Variants in PDGFRL observed in about 807,000 individuals in gnomAD.
PDGFRL encodes the protein platelet derived growth factor receptor like.
A neutral mutation model predicts 37.2 loss-of-function variants in PDGFRL; 46 were observed. The ratio of observed to expected loss-of-function variants is 1.24; its 90% confidence interval spans 0.98 to 1.58. The LOEUF (loss-of-function observed/expected upper bound fraction) is 1.58. PDGFRL is among the 40% of genes most tolerant of loss of function. The pLI is 0.00. For missense variants in PDGFRL, 692 were observed against 467.6 expected (o/e 1.48, Z -4.43); for synonymous variants, 251 against 184.3 (o/e 1.36, Z -2.93).
intron 1 of PDGFRL, among the ~76,000 whole-genome samples, chr8:17,583,913 C>T (rs1803761687): frequency 6.6e-6 from 1 of 152,140 alleles, no homozygotes; most frequent in Admixed American, 6.5e-5. Flanking sequence ...AATCTTCTGG[C>T]CAGCAGAACT....
intron 2 of PDGFRL, among the ~76,000 whole-genome samples, chr8:17,593,569 A>T (rs1803988252): frequency 6.7e-6 from 1 of 148,636 alleles, no homozygotes; most frequent in Non-Finnish European, 1.5e-5. Context: ...CTATATTCCA[A>T]CCTGGGCAAC....
At chr8:17,578,774 C>A (rs568003646) in intron 1 of PDGFRL, among the ~76,000 whole-genome samples, 7 of 152,296 alleles carry the variant, frequency 4.6e-5, no homozygotes, top group African/African-American at 1.7e-4. Flanking sequence ...CTAAATTTAC[C>A]CTTTCTTTAA....
chr8:17,581,660 T>C (rs1176466734), intron 1 of PDGFRL, among the ~76,000 whole-genome samples: 1 of 152,090 alleles, frequency 6.6e-6, no homozygotes, highest in Non-Finnish European at 1.5e-5. Context: ...AAAGAGAGTC[T>C]GGTCCCTCCT....
At chr8:17,600,179 A>G (rs1332444288) in intron 2 of PDGFRL, among the ~76,000 whole-genome samples, 2 of 151,850 alleles carry the variant, frequency 1.3e-5, no homozygotes, top group Non-Finnish European at 2.9e-5. Context: ...CTCCACATGC[A>G]TTTTTTCACC....
At chr8:17,591,462 G>T (rs1249401102) in intron 2 of PDGFRL, among the ~76,000 whole-genome samples, 2 of 152,188 alleles carry the variant, frequency 1.3e-5, no homozygotes, top group South Asian at 2.1e-4. Flanking sequence ...CCTAAACTCT[G>T]CCAGTTCTCA....
intron 2 of PDGFRL, among the ~76,000 whole-genome samples, chr8:17,610,183 G>A (rs1295890266): frequency 6.6e-6 from 1 of 152,182 alleles, no homozygotes; most frequent in African/African-American, 2.4e-5. Context: ...ATCTTCCAGG[G>A]CCGATTCTTC....
intron 2 of PDGFRL, among the ~76,000 whole-genome samples, chr8:17,615,280 A>C (rs970283728): frequency 6.6e-6 from 1 of 150,760 alleles, no homozygotes; most frequent in Admixed American, 6.7e-5. Context: ...GAGCTCATTT[A>C]ACTGGATCTC....
intron 2 of PDGFRL, among the ~76,000 whole-genome samples, chr8:17,591,443 G>T (rs1445986720): frequency 6.6e-6 from 1 of 152,202 alleles, no homozygotes; most frequent in Non-Finnish European, 1.5e-5. Context: ...GTGCACCTTG[G>T]TGAAGTCTCC....
chr8:17,582,870 T>A (rs186903171), intron 1 of PDGFRL, among the ~76,000 whole-genome samples: 39 of 152,144 alleles, frequency 2.6e-4, no homozygotes, highest in East Asian at 1.9e-4. Flanking sequence ...CTCAGGAGAA[T>A]AGAATGGTTT....
intron 5 of PDGFRL, among the ~76,000 whole-genome samples, chr8:17,635,241 G>A (rs1319701439): frequency 1.3e-5 from 2 of 152,110 alleles, no homozygotes; most frequent in Non-Finnish European, 2.9e-5. Context: ...CATCACTTGA[G>A]CAGTGTACAC....
intron 2 of PDGFRL, among the ~76,000 whole-genome samples, chr8:17,592,181 AAAT>A (rs1223196060): frequency 1.3e-5 from 2 of 152,152 alleles, no homozygotes; most frequent in African/African-American, 4.8e-5. Flanking sequence ...TTTGGTGCAA[AAAT>A]AATAGCTGTT....
At chr8:17,618,475 G>C (rs928539198) in intron 2 of PDGFRL, among the ~76,000 whole-genome samples, 1 of 152,098 alleles carries the variant, frequency 6.6e-6, no homozygotes, top group African/African-American at 2.4e-5. Context: ...GATATAATTG[G>C]GATAACACAA....
intron 5 of PDGFRL, 39 bp from the exon 6 acceptor site, chr8:17,642,574 G>A: frequency 2.3e-6 from 3 of 1,294,100 alleles, no homozygotes; most frequent in Non-Finnish European, 3.4e-6. Context: ...ATAGCAGCTT[G>A]TCCCTCTTGC....
At position 17,589,733 on chromosome 8, in the gene PDGFRL, G is replaced by A. The variant is rs367610998; in HGVS notation, c.321G>A (p.Ala107=). ...KGSRIGWSYP[A]YLDTFKDSRL... is the part of the protein sequence containing the mutation. ...GTAGAATTGGGTGGAGCTACCCTGCGTATCTGGACACCTTTAAGGATTCTC... is the reference window on the plus strand; with the variant it reads ...GTAGAATTGGGTGGAGCTACCCTGCATATCTGGACACCTTTAAGGATTCTC... The change falls in exon 2 of 6, where the codon GCG becomes GCA. Residue 107 remains alanine, a synonymous_variant. Transcript: ENST00000251630. The A allele has an allele frequency of 5.2e-4, 843 of 1,611,984 alleles. 1 individual carries two copies. Among genetic ancestry groups the A allele is most frequent in the Non-Finnish European group, 6.5e-4 (770 of 1,178,544 alleles).
intron 2 of PDGFRL, among the ~76,000 whole-genome samples, chr8:17,611,811 G>A (rs746392403): frequency 8.5e-5 from 13 of 152,196 alleles, no homozygotes; most frequent in Non-Finnish European, 1.6e-4. Flanking sequence ...TGAAGGGGAT[G>A]GGGGAGACAT....
At chr8:17,584,235 A>G (rs1042353178) in intron 1 of PDGFRL, among the ~76,000 whole-genome samples, 5 of 152,176 alleles carry the variant, frequency 3.3e-5, no homozygotes, top group African/African-American at 1.2e-4. Context: ...ATTTGCTGAT[A>G]AAGGGAGCAT....
chr8:17,632,245 A>G (rs1466184792), intron 4 of PDGFRL, among the ~76,000 whole-genome samples: 1 of 152,202 alleles, frequency 6.6e-6, no homozygotes, highest in African/African-American at 2.4e-5. Flanking sequence ...AAAAGGGATC[A>G]AGCTAGCATT....
chr8:17,615,311 T>TGG (rs1346113820), intron 2 of PDGFRL, among the ~76,000 whole-genome samples: 2 of 109,602 alleles, frequency 1.8e-5, no homozygotes, highest in Non-Finnish European at 4.6e-5. Flanking sequence ...GTTTGTGATT[T>TGG]GGGAGTGTGT....
chr8:17,591,203 C>T (rs1803931933), intron 2 of PDGFRL, among the ~76,000 whole-genome samples: 1 of 152,116 alleles, frequency 6.6e-6, no homozygotes, highest in South Asian at 2.1e-4. Flanking sequence ...TTTTGATGTT[C>T]ATAAGTCTAT....
Sources: allele counts gnomAD v4.1 joint callset (sites outside exome capture counted in the v4.1 genomes callset), GRCh38; gene constraint gnomAD v4.1.1; transcripts MANE v1.5; gene names NCBI Gene and HGNC (gene_info 2026-07-23, HGNC 2026-07-21).